WSCD2: variants seen among roughly 807,000 people sequenced by gnomAD.
The protein encoded by WSCD2 is sialate:O-sulfotransferase 2.
In WSCD2, 28 loss-of-function variants were observed where a neutral mutation model predicts 55.7. That is an observed-to-expected ratio of 0.50 (90% CI 0.37 to 0.69). The LOEUF (loss-of-function observed/expected upper bound fraction) is 0.69, where lower values mean the gene tolerates loss of function less well. WSCD2 is among the 30% of genes least tolerant of loss of function. WSCD2 has a pLI of 0.00. For missense variants in WSCD2, 616 were observed against 762.1 expected (o/e 0.81, Z 2.26); for synonymous variants, 301 against 301.9 (o/e 1.00, Z 0.03).
intron 7 of WSCD2, chr12:108,233,107 C>T (rs956090702): frequency 1.5e-5 from 8 of 547,188 alleles, no homozygotes; most frequent in Non-Finnish European, 6.4e-6. Flanking sequence ...GGATACTCCA[C>T]TAGCATCCAT....
intron 2 of WSCD2, chr12:108,197,173 C>T (rs906199793): frequency 6.6e-6 from 1 of 152,196 alleles, no homozygotes; most frequent in African/African-American, 2.4e-5. Flanking sequence ...AACCACCAAT[C>T]AAGGCAGATG....
rs1886008926 is a variant in WSCD2 at position 108,210,454 on chromosome 12, A to C, written c.682+149A>C. On this transcript the variant is annotated intron_variant, in intron 4 of 8. Coordinates refer to ENST00000547525, the MANE Select transcript of WSCD2 (RefSeq NM_014653.4). This position sits in a 1 kb window ranked among gnomAD's most constrained non-coding sequence, Gnocchi z 4.3. Reference sequence around the variant, plus strand: ...GTCCTGCCCCTGCCTCACCTCTCCCACTCCCTCACAGAGCCCTTTGCCCCA... The same window carrying C: ...GTCCTGCCCCTGCCTCACCTCTCCCCCTCCCTCACAGAGCCCTTTGCCCCA... 2.8e-6 allele frequency: 3 copies of C among 1,081,922 alleles called. No homozygotes were observed. Among genetic ancestry groups the C allele is most frequent in the Non-Finnish European group, 3.9e-6 (3 of 774,662 alleles). 67.0% of individuals were successfully genotyped at this position (1,081,922 alleles called of 1,614,324 possible). A position where few individuals can be genotyped will look rare whatever the true frequency, so the allele number is the denominator to read the frequency against.
intron 1 of WSCD2, among the ~76,000 whole-genome samples, chr12:108,171,159 A>G (rs1161707072): frequency 2.0e-5 from 3 of 152,222 alleles, no homozygotes; most frequent in East Asian, 1.9e-4. Context: ...TGGAGCCAAA[A>G]GAACCTAGTT....
intron 1 of WSCD2, among the ~76,000 whole-genome samples, chr12:108,156,547 T>C (rs951747554): frequency 3.3e-5 from 5 of 152,180 alleles, no homozygotes; most frequent in African/African-American, 1.2e-4. Flanking sequence ...ACGTTGTCTA[T>C]ATATTTAAGG....
At chr12:108,184,681 T>G (rs1882231571) in intron 1 of WSCD2, among the ~76,000 whole-genome samples, 1 of 152,190 alleles carries the variant, frequency 6.6e-6, no homozygotes, top group South Asian at 2.1e-4. Flanking sequence ...AGACTTGAAC[T>G]AGCTGGTGTC....
At chr12:108,142,104 A>T (rs1289597716) in intron 1 of WSCD2, among the ~76,000 whole-genome samples, 4 of 152,146 alleles carry the variant, frequency 2.6e-5, no homozygotes, top group Non-Finnish European at 5.9e-5. Flanking sequence ...TTGTCACCTG[A>T]TGGGCCTGTG....
intron 5 of WSCD2, among the ~76,000 whole-genome samples, chr12:108,226,669 T>A (rs965298518): frequency 1.1e-4 from 17 of 152,202 alleles, no homozygotes; most frequent in Non-Finnish European, 2.4e-4. Context: ...TTATGTGCAT[T>A]TACAGTATGG....
intron 6 of WSCD2, among the ~76,000 whole-genome samples, chr12:108,230,490 A>G (rs1888629477): frequency 6.6e-6 from 1 of 152,202 alleles, no homozygotes; most frequent in Non-Finnish European, 1.5e-5. Flanking sequence ...AAACAACCTC[A>G]GGCTGTCATC....
chr12:108,212,297 T>C (rs1886294935), intron 4 of WSCD2, among the ~76,000 whole-genome samples: 3 of 152,202 alleles, frequency 2.0e-5, no homozygotes, highest in South Asian at 2.1e-4. Context: ...ATTTGGACCA[T>C]CTGAAGAGAT....
At chr12:108,222,162 A>G in intron 4 of WSCD2, among the ~76,000 whole-genome samples, 1 of 152,222 alleles carries the variant, frequency 6.6e-6, no homozygotes, top group East Asian at 1.9e-4. Flanking sequence ...TTCTCTGCAC[A>G]TAAATATAAA....
At chr12:108,229,643 G>A (rs1035665405) in intron 6 of WSCD2, among the ~76,000 whole-genome samples, 2 of 152,196 alleles carry the variant, frequency 1.3e-5, no homozygotes, top group East Asian at 1.9e-4. Context: ...AACCCAGGTC[G>A]GTCTGATTCC....
At chr12:108,227,780 C>T (rs1175750336) in intron 6 of WSCD2, among the ~76,000 whole-genome samples, 2 of 150,626 alleles carry the variant, frequency 1.3e-5, no homozygotes, top group African/African-American at 4.9e-5. Context: ...TGGTGATGAT[C>T]ATAATGATGG....
intron 7 of WSCD2, among the ~76,000 whole-genome samples, chr12:108,236,667 CTCTT>C (rs774056870): frequency 5.3e-5 from 8 of 152,164 alleles, no homozygotes; most frequent in Non-Finnish European, 1.0e-4. Context: ...CTGTGCTTCT[CTCTT>C]TGTGTCTCTC....
At chr12:108,213,020 A>G (rs1490343413) in intron 4 of WSCD2, among the ~76,000 whole-genome samples, 1 of 152,178 alleles carries the variant, frequency 6.6e-6, no homozygotes, top group African/African-American at 2.4e-5. Context: ...TTGGACAAGG[A>G]GAGAGATGGT....
chr12:108,134,924 G>A (rs1211797219), intron 1 of WSCD2, among the ~76,000 whole-genome samples: 2 of 152,154 alleles, frequency 1.3e-5, no homozygotes, highest in Non-Finnish European at 2.9e-5. Flanking sequence ...CAGATCACCT[G>A]ATGTCAGAGA....
chr12:108,197,313 C>A (rs1438079079), intron 2 of WSCD2: 1 of 152,282 alleles, frequency 6.6e-6, no homozygotes. Flanking sequence ...AGTCCTGCCC[C>A]CAACCTGGCC....
intron 6 of WSCD2, among the ~76,000 whole-genome samples, chr12:108,227,607 C>T (rs1472185308): frequency 6.6e-6 from 1 of 152,200 alleles, no homozygotes; most frequent in Non-Finnish European, 1.5e-5. Flanking sequence ...CTTCCTTCTT[C>T]TCTCTCCCTG....
chr12:108,166,201 T>C (rs938760508), intron 1 of WSCD2, among the ~76,000 whole-genome samples: 1 of 152,210 alleles, frequency 6.6e-6, no homozygotes, highest in African/African-American at 2.4e-5. Context: ...AGTGACTTCA[T>C]CTCTTTGAGC....
intron 1 of WSCD2, among the ~76,000 whole-genome samples, chr12:108,188,936 G>A (rs531863954): frequency 1.3e-5 from 2 of 152,326 alleles, no homozygotes; most frequent in South Asian, 4.1e-4. Flanking sequence ...TTTCTCATCT[G>A]TAAAGTGGGT....
Sources: gnomAD v4.1 joint callset for allele counts (sites outside exome capture counted in the v4.1 genomes callset) on GRCh38, gnomAD v4.1.1 for gene constraint, Gnocchi (gnomAD v3.1) non-coding constraint, MANE v1.5 for transcripts, NCBI Gene and HGNC (gene_info 2026-07-23, HGNC 2026-07-21) for gene names.